Variants in USP7 observed in about 807,000 individuals in gnomAD.
USP7 encodes ubiquitin C-terminal hydrolase 7.
In USP7, 9 loss-of-function variants were observed where a neutral mutation model predicts 162.9. The ratio of observed to expected loss-of-function variants is 0.06; its 90% CI spans 0.03 to 0.10. The LOEUF is 0.10. Among genes scored for constraint, USP7 ranks in the 10% least tolerant of loss-of-function variants. The pLI is 1.00. For missense variants in USP7, 715 were observed against 1,373.7 expected (o/e 0.52, Z 7.58); for synonymous variants, 562 against 475.9 (o/e 1.18, Z -2.35).
chr16:8,916,629 T>C, intron 7 of USP7, 73 bp from the exon 8 acceptor site: 1 of 1,433,478 alleles, frequency 7.0e-7, no homozygotes, highest in Non-Finnish European at 9.6e-7. Context: ...TAACTTAGAT[T>C]GAAAACCTAA....
chr16:8,925,137 C>T (rs1051005686), intron 2 of USP7, among the ~76,000 whole-genome samples: 4 of 152,166 alleles, frequency 2.6e-5, no homozygotes, highest in Non-Finnish European at 4.4e-5. Context: ...ATGTCAATTC[C>T]CACATTTTAG....
intron 1 of USP7, among the ~76,000 whole-genome samples, chr16:8,949,187 A>T (rs1949428008): frequency 6.6e-6 from 1 of 152,256 alleles, no homozygotes; most frequent in Non-Finnish European, 1.5e-5. Context: ...TTATTTTAAA[A>T]ATCATGATTG....
At chr16:8,928,603 G>A (rs977073650) in intron 2 of USP7, among the ~76,000 whole-genome samples, 62 of 152,140 alleles carry the variant, frequency 4.1e-4, no homozygotes, top group African/African-American at 1.5e-3. Context: ...CCTACAGTCA[G>A]GACCACCTCC....
chr16:8,939,928 A>G (rs1032700557), intron 1 of USP7, among the ~76,000 whole-genome samples: 5 of 152,054 alleles, frequency 3.3e-5, no homozygotes, highest in Admixed American at 2.0e-4. Flanking sequence ...TGAAACCCCG[A>G]CTCTACTAAA....
At chr16:8,925,371 C>T (rs980267590) in intron 2 of USP7, among the ~76,000 whole-genome samples, 1 of 152,102 alleles carries the variant, frequency 6.6e-6, no homozygotes, top group African/African-American at 2.4e-5. Flanking sequence ...CAGAAGCAAC[C>T]AAATGGAAAA....
intron 1 of USP7, among the ~76,000 whole-genome samples, chr16:8,939,250 A>G (rs565534377): frequency 6.6e-6 from 1 of 152,156 alleles, no homozygotes; most frequent in Non-Finnish European, 1.5e-5. Flanking sequence ...CCCTGTTACG[A>G]CCACCCACCC....
At chr16:8,925,419 A>G (rs1897934087) in intron 2 of USP7, among the ~76,000 whole-genome samples, 1 of 152,220 alleles carries the variant, frequency 6.6e-6, no homozygotes, top group African/African-American at 2.4e-5. Flanking sequence ...AAACAAGGTT[A>G]TGCCTCTTTT....
rs944293331 is a variant in USP7, at chr16:8,903,485, C to T, written c.1705-83G>A. On this transcript the variant is annotated intron_variant, in intron 15 of 30. Transcript: ENST00000344836. ...CACTGAACACATTTAAACACTAAAA[C>T]GCTGAAAACTCATTTTTTGTTCCAA... 4.8e-5 allele frequency: 68 copies of T among 1,428,936 alleles called. No homozygotes were observed. The South Asian group carries it at 6.7e-4, about 14-fold the overall frequency. The allele number at this position is 1,428,936 out of a possible 1,614,324, so 88.5% of individuals were successfully genotyped here.
chr16:8,958,531 G>A (rs569759702), intron 1 of USP7, among the ~76,000 whole-genome samples: 5 of 152,236 alleles, frequency 3.3e-5, no homozygotes, highest in Non-Finnish European at 7.3e-5. Flanking sequence ...TACCACCACA[G>A]TTCCAGCATG....
chr16:8,940,543 T>C (rs1898992555), intron 1 of USP7, among the ~76,000 whole-genome samples: 1 of 152,144 alleles, frequency 6.6e-6, no homozygotes, highest in South Asian at 2.1e-4. Context: ...GTGGGGCAGT[T>C]ACAGCAATGG....
chr16:8,894,879 T>C (rs1317177178), intron 28 of USP7, 24 bp from the exon 29 acceptor site: 2 of 1,613,972 alleles, frequency 1.2e-6, no homozygotes, highest in African/African-American at 2.7e-5. Flanking sequence ...GGACATGTGC[T>C]CACACAGTCA....
chr16:8,909,971 A>T (rs2061919033), intron 11 of USP7, among the ~76,000 whole-genome samples: 1 of 152,194 alleles, frequency 6.6e-6, no homozygotes, highest in Admixed American at 6.5e-5. Context: ...CCCTCAGTCC[A>T]ACTGGACTGA....
intron 16 of USP7, 26 bp from the exon 17 acceptor site, chr16:8,902,508 A>T (rs771783810): frequency 6.2e-7 from 1 of 1,603,154 alleles, no homozygotes. Context: ...AGAGTAGATT[A>T]AAATAAAAAC....
chr16:8,931,186 G>T (rs1208402930), intron 1 of USP7, among the ~76,000 whole-genome samples: 1 of 150,286 alleles, frequency 6.7e-6, no homozygotes, highest in Non-Finnish European at 1.5e-5. Context: ...ATGAACACAT[G>T]CATCTTTTTT....
At chr16:8,906,336 A>C (rs1165326347) in intron 13 of USP7, 90 bp downstream of exon 13, 3 of 1,444,120 alleles carry the variant, frequency 2.1e-6, no homozygotes, top group Non-Finnish European at 2.8e-6. Flanking sequence ...GTCCCTGACA[A>C]GGTTCCGAGT....
chr16:8,956,419 T>C (rs1183161694), intron 1 of USP7: 1 of 152,190 alleles, frequency 6.6e-6, no homozygotes, highest in Non-Finnish European at 1.5e-5. Context: ...TCTGCAACTA[T>C]GAACAGCTGT....
chr16:8,962,514 T>A (rs1415218176), intron 1 of USP7: 1 of 451,392 alleles, frequency 2.2e-6, no homozygotes, highest in Admixed American at 2.4e-5. Context: ...GGCAGCCATG[T>A]GCGGCAGGGC....
At chr16:8,920,220 G>T in intron 5 of USP7, 139 bp downstream of exon 5, 1 of 693,596 alleles carries the variant, frequency 1.4e-6, no homozygotes, top group South Asian at 1.9e-5. Flanking sequence ...AAGCAGGTGT[G>T]ACTCTGTGTG....
At chr16:8,929,002 A>G (rs1402768526) in intron 2 of USP7, among the ~76,000 whole-genome samples, 3 of 103,100 alleles carry the variant, frequency 2.9e-5, no homozygotes, top group Admixed American at 1.2e-4. Flanking sequence ...AGAAGCTAAG[A>G]AGCTCCGCCC....
Sources: allele counts gnomAD v4.1 joint callset (sites outside exome capture counted in the v4.1 genomes callset), GRCh38; gene constraint gnomAD v4.1.1; transcripts MANE v1.5; gene names NCBI Gene and HGNC (gene_info 2026-07-23, HGNC 2026-07-21).